The following ECHDC1 variants were observed in gnomAD, a reference collection of about 807,000 sequenced individuals.
The protein encoded by ECHDC1 is ethylmalonyl-CoA decarboxylase.
In ECHDC1, 29 loss-of-function variants were observed where a neutral mutation model predicts 29.7. The observed-to-expected ratio is 0.98, with a 90% CI of 0.73 to 1.33. The LOEUF is 1.33. Ranked by LOEUF, ECHDC1 falls within the 40% of genes most tolerant of loss-of-function variation. The pLI, the probability that ECHDC1 is intolerant of heterozygous loss-of-function variation, is 0.00. For missense variants in ECHDC1, 328 were observed against 350.0 expected (o/e 0.94, Z 0.50); for synonymous variants, 126 against 123.1 (o/e 1.02, Z -0.15).
chr6:127,308,644 GT>G (rs1169237660), intron 5 of ECHDC1, among the ~76,000 whole-genome samples: 1 of 152,146 alleles, frequency 6.6e-6, no homozygotes, highest in Non-Finnish European at 1.5e-5. Flanking sequence ...AGTACTGGAA[GT>G]CCTAGCTAGA....
chr6:127,329,811 A>G (rs1191908557), intron 2 of ECHDC1: 1 of 415,854 alleles, frequency 2.4e-6, no homozygotes. Context: ...AAAATTGCAC[A>G]TGTGGCTCAC....
chr6:127,339,053 G>C (rs1322917721), intron 1 of ECHDC1, among the ~76,000 whole-genome samples: 1 of 151,922 alleles, frequency 6.6e-6, no homozygotes, highest in Non-Finnish European at 1.5e-5. Flanking sequence ...AATATTGACA[G>C]ATGTCCTGTT....
chr6:127,307,849 G>A (rs1370010511), intron 5 of ECHDC1, among the ~76,000 whole-genome samples: 1 of 151,188 alleles, frequency 6.6e-6, no homozygotes, highest in Non-Finnish European at 1.5e-5. Flanking sequence ...AGGATTATTA[G>A]TGGCTACAAT....
chr6:127,337,186 G>C (rs1440651133), intron 1 of ECHDC1, among the ~76,000 whole-genome samples: 2 of 152,064 alleles, frequency 1.3e-5, no homozygotes, highest in African/African-American at 4.8e-5. Context: ...ATTGCCCTGC[G>C]AAGTTTCTTG....
At position 127,311,669 on chromosome 6, in the gene ECHDC1, C is replaced by CAAAAAA. The variant is rs71272311; in HGVS notation, c.497+3141_497+3146dup. ...AGCCTGGGTGACAGAGGCTCTGTCTCAAAAAAAAAAAAAAAAAAAAAAAAA... is the reference window on the plus strand; with the variant it reads ...AGCCTGGGTGACAGAGGCTCTGTCTCAAAAAAAAAAAAAAAAAAAAAAAAAAAAAAA... On this transcript the variant is annotated intron_variant, in intron 5 of 5. Transcript: ENST00000454859. Among the ~76,000 whole-genome samples, 75 of 25,054 alleles carry CAAAAAA rather than the reference C, an allele frequency of 3.0e-3. 2 individuals carry two copies. The highest frequency in any genetic ancestry group is 3.9e-3 in the Non-Finnish European group (31 of 7,996). 16.4% of individuals were successfully genotyped at this position (25,054 alleles called of 152,430 possible). A position where few individuals can be genotyped will look rare whatever the true frequency, so the allele number is the denominator to read the frequency against.
At position 127,289,766 on chromosome 6, in the gene ECHDC1, G is replaced by A; in HGVS notation, c.*103C>T. The A allele has an allele frequency of 8.5e-7, 1 of 1,175,088 alleles. No homozygotes were observed. The highest frequency in any genetic ancestry group is 1.2e-6 in the Non-Finnish European group (1 of 849,398). 72.8% of individuals were successfully genotyped at this position (1,175,088 alleles called of 1,614,324 possible). A position where few individuals can be genotyped will look rare whatever the true frequency, so the allele number is the denominator to read the frequency against. The stretch of plus-strand genomic sequence containing the variant: ...TTAAAAGTAAGTCTGCATATTAATA[G>A]TAGCCTTCAAAGTAATTCTGATGTT... On this transcript the variant is annotated 3_prime_UTR_variant, in exon 6 of 6. Coordinates refer to ENST00000454859, the MANE Select transcript of ECHDC1 (RefSeq NM_001002030.2).
chr6:127,307,662 A>AAAAAAAAT (rs1781549058), intron 5 of ECHDC1, among the ~76,000 whole-genome samples: 1 of 143,120 alleles, frequency 7.0e-6, no homozygotes, highest in African/African-American at 2.5e-5. Flanking sequence ...AAAAAAAAAA[A>AAAAAAAAT]GACAGAAAGA....
rs1199985495 is a variant in ECHDC1 at position 127,294,296 on chromosome 6, C to CCAA, written c.498-4020_498-4019insTTG. ...CCAAAGACAACAAAGTAAACTTGCT[C>CCAA]GCATGGGGAAATATAGCATAGAAAA... On this transcript the variant is annotated intron_variant, in intron 5 of 5. Transcript: ENST00000454859. 9.2e-5 allele frequency among the ~76,000 whole-genome samples: 14 copies of CCAA among 152,248 alleles called. No homozygotes were observed. The East Asian group carries it at 2.7e-3, about 29-fold the overall frequency.
intron 5 of ECHDC1, chr6:127,294,631 G>C (rs919798596): frequency 6.6e-6 from 1 of 152,056 alleles, no homozygotes; most frequent in African/African-American, 2.4e-5. Context: ...GTGGTTGTGA[G>C]GGGGGGAGCA....
intron 5 of ECHDC1, among the ~76,000 whole-genome samples, chr6:127,312,025 T>C (rs1232608548): frequency 1.4e-5 from 2 of 147,336 alleles, no homozygotes; most frequent in Admixed American, 6.9e-5. Flanking sequence ...ATTTTAAAAA[T>C]TCAAATTTCT....
chr6:127,333,359 T>C (rs551231403), intron 1 of ECHDC1, among the ~76,000 whole-genome samples: 1 of 152,316 alleles, frequency 6.6e-6, no homozygotes, highest in South Asian at 2.1e-4. Flanking sequence ...AGATCTATTT[T>C]CCTTTCACAT....
At chr6:127,307,256 C>T (rs1016477112) in intron 5 of ECHDC1, among the ~76,000 whole-genome samples, 1 of 151,966 alleles carries the variant, frequency 6.6e-6, no homozygotes, top group African/African-American at 2.4e-5. Context: ...TCTTAAAGAA[C>T]TAGAAAAGCA....
At chr6:127,327,851 C>A (rs1024366630) in intron 2 of ECHDC1, among the ~76,000 whole-genome samples, 2 of 152,194 alleles carry the variant, frequency 1.3e-5, no homozygotes, top group Non-Finnish European at 2.9e-5. Context: ...ACAGCTGGGA[C>A]TGGCATTTTA....
In ECHDC1 at chr6:127,290,040, T is replaced by C. The variant is rs1222555643; in HGVS notation, c.735A>G (p.Gln245=). The C allele has an allele frequency of 6.2e-7, 1 of 1,613,746 alleles. No individual in the cohort carries two copies. Among genetic ancestry groups the C allele is most frequent in the Non-Finnish European group, 8.5e-7 (1 of 1,179,748 alleles). The change falls in exon 6 of 6, where the codon CAA becomes CAG. Residue 245 remains glutamine (Q), a synonymous_variant. Coordinates refer to ENST00000454859, the MANE Select transcript of ECHDC1 (RefSeq NM_001002030.2). ...TTACTTCCGGTGGCCCTTGGATGAA[T>C]TGCTTTAGCCATTCTTGTGCCTCTT... ...SLEEAQEWLK[Q]FIQGPPEVIR...
At chr6:127,294,000 T>G (rs1001270855) in intron 5 of ECHDC1, among the ~76,000 whole-genome samples, 3 of 152,182 alleles carry the variant, frequency 2.0e-5, no homozygotes, top group African/African-American at 4.8e-5. Flanking sequence ...TTAGAAATAA[T>G]ACTGTATTCT....
At chr6:127,339,836 A>T (rs942540548) in intron 1 of ECHDC1, among the ~76,000 whole-genome samples, 3 of 152,046 alleles carry the variant, frequency 2.0e-5, no homozygotes, top group Admixed American at 6.6e-5. Context: ...TGGGGTTTTT[A>T]AAAAATGCAA....
intron 1 of ECHDC1, 49 bp from the exon 2 acceptor site, chr6:127,331,079 C>G: frequency 7.1e-7 from 1 of 1,411,954 alleles, no homozygotes; most frequent in Non-Finnish European, 9.9e-7. Context: ...TAGGCACTCA[C>G]TTTTCTAATA....
intron 1 of ECHDC1, among the ~76,000 whole-genome samples, chr6:127,333,332 G>A (rs999381841): frequency 6.6e-6 from 1 of 152,140 alleles, no homozygotes; most frequent in Non-Finnish European, 1.5e-5. Flanking sequence ...CCTTGGCTTA[G>A]TGATTTTGGG....
intron 5 of ECHDC1, among the ~76,000 whole-genome samples, chr6:127,309,152 T>C (rs943763012): frequency 6.6e-5 from 10 of 152,058 alleles, no homozygotes; most frequent in African/African-American, 1.9e-4. Context: ...GCCAAAACTA[T>C]GCTCAGCACA....
Sources: allele counts gnomAD v4.1 joint callset (sites outside exome capture counted in the v4.1 genomes callset), GRCh38; gene constraint gnomAD v4.1.1; transcripts MANE v1.5; gene names NCBI Gene and HGNC (gene_info 2026-07-23, HGNC 2026-07-21).